Variants in MYO16 observed in about 807,000 individuals in gnomAD.
The protein encoded by MYO16 is unconventional myosin-XVI.
In MYO16, 94 loss-of-function variants were observed where a neutral mutation model predicts 205.3. The observed-to-expected ratio is 0.46, with a 90% CI of 0.39 to 0.54. MYO16 has a LOEUF of 0.54. Ranked by LOEUF, MYO16 falls within the 20% of genes least tolerant of loss-of-function variation. The probability of loss-of-function intolerance (pLI) is 0.00; values close to 1 mark genes in which losing one functional copy is unlikely to be tolerated. For missense variants in MYO16, 2,315 were observed against 2,387.5 expected (o/e 0.97, Z 0.63); for synonymous variants, 988 against 954.0 (o/e 1.04, Z -0.66).
At chr13:109,032,383 G>A (rs573777865) in intron 23 of MYO16, among the ~76,000 whole-genome samples, 12 of 152,082 alleles carry the variant, frequency 7.9e-5, no homozygotes, top group Non-Finnish European at 1.8e-4. Context: ...CTCCCACATC[G>A]TCGCACATAT....
At chr13:108,686,360 A>G (rs1163176240) in intron 2 of MYO16, among the ~76,000 whole-genome samples, 1 of 152,230 alleles carries the variant, frequency 6.6e-6, no homozygotes, top group East Asian at 1.9e-4. Flanking sequence ...TCATATTTTA[A>G]AAATACTTTA....
At chr13:109,200,954 A>G (rs1706027278) in intron 34 of MYO16, among the ~76,000 whole-genome samples, 1 of 152,128 alleles carries the variant, frequency 6.6e-6, no homozygotes. Context: ...TGTATGGTCT[A>G]TCAAACACTA....
At chr13:108,563,970 A>G in the MYO16 span, among the ~76,000 whole-genome samples, 5 of 152,144 alleles carry the variant, frequency 3.3e-5, no homozygotes, top group Non-Finnish European at 7.4e-5. Context: ...ACAGTGTACT[A>G]GGGTTCTCTT....
chr13:108,695,229 A>G (rs1318313513), intron 2 of MYO16, among the ~76,000 whole-genome samples: 1 of 151,938 alleles, frequency 6.6e-6, no homozygotes, highest in African/African-American at 2.4e-5. Context: ...CACCTTCATT[A>G]TTTTGCATGT....
At chr13:108,568,519 A>T in the MYO16 span, among the ~76,000 whole-genome samples, 2 of 151,904 alleles carry the variant, frequency 1.3e-5, no homozygotes, top group Admixed American at 1.3e-4. Context: ...AAATTCCTTG[A>T]CCATTATTTA....
the MYO16 span, among the ~76,000 whole-genome samples, chr13:108,544,513 C>A: frequency 6.6e-6 from 1 of 152,094 alleles, no homozygotes; most frequent in Non-Finnish European, 1.5e-5. Context: ...AAGCATTTGT[C>A]CTTTGTGTCA....
intron 1 of MYO16, among the ~76,000 whole-genome samples, chr13:108,609,228 T>C (rs1319119201): frequency 2.0e-5 from 3 of 152,138 alleles, no homozygotes; most frequent in African/African-American, 7.2e-5. Context: ...GCCCAGCCCT[T>C]CTTCTTATTC....
chr13:109,171,136 G>C (rs1306795015), intron 33 of MYO16, among the ~76,000 whole-genome samples: 1 of 152,192 alleles, frequency 6.6e-6, no homozygotes, highest in Admixed American at 6.5e-5. Flanking sequence ...TAGGCCCTGA[G>C]TAAGCATTTG....
intron 16 of MYO16, among the ~76,000 whole-genome samples, chr13:108,936,564 A>G (rs1161275232): frequency 6.6e-6 from 1 of 152,090 alleles, no homozygotes; most frequent in Non-Finnish European, 1.5e-5. Context: ...AGGAGTGGTT[A>G]TAATGCCTTC....
intron 1 of MYO16, among the ~76,000 whole-genome samples, chr13:108,622,553 C>T (rs912130586): frequency 6.6e-6 from 1 of 151,210 alleles, no homozygotes; most frequent in Non-Finnish European, 1.5e-5. Context: ...GTGTCTGTTG[C>T]TTTACTCTGA....
At chr13:108,745,368 G>A (rs368244394) in intron 4 of MYO16, among the ~76,000 whole-genome samples, 46 of 152,254 alleles carry the variant, frequency 3.0e-4, no homozygotes, top group African/African-American at 1.1e-3. Flanking sequence ...AGAGGTTCTC[G>A]CAAGGAACTC....
At position 109,022,619 on chromosome 13, in the gene MYO16, T is replaced by G. The variant is rs1298076487; in HGVS notation, c.2796+2708T>G. Among the ~76,000 whole-genome samples the G allele has an allele frequency of 2.2e-4, 28 of 129,576 alleles. 1 individual carries two copies. Among genetic ancestry groups the G allele is most frequent in the African/African-American group, 8.1e-4 (28 of 34,420 alleles). The allele number at this position is 129,576 out of a possible 152,430, so 85.0% of individuals were successfully genotyped here. A position where few individuals can be genotyped will look rare whatever the true frequency, so the allele number is the denominator to read the frequency against. ...TATTCTATATACGCATATAAACATA[T>G]GTATATATATTATATATATGCATAT... On this transcript the variant is annotated intron_variant, in intron 23 of 34. Transcript: ENST00000457511.
intron 34 of MYO16, among the ~76,000 whole-genome samples, chr13:109,204,455 G>T (rs1368939508): frequency 6.6e-6 from 1 of 152,164 alleles, no homozygotes; most frequent in African/African-American, 2.4e-5. Context: ...GCACACACTG[G>T]TGGAGGATGA....
intron 34 of MYO16, among the ~76,000 whole-genome samples, chr13:109,190,880 A>G (rs1396639260): frequency 6.6e-6 from 1 of 152,190 alleles, no homozygotes; most frequent in Non-Finnish European, 1.5e-5. Context: ...GCATATAATA[A>G]TATATATTTA....
rs140571104 is a variant in MYO16 at position 108,765,648 on chromosome 13, A to T, written c.508-19987A>T. ...CACACATCTCATCCCCATCAGATAC[A>T]CACGCTTTGCCCGGGGACCCATCCT... On this transcript the variant is annotated intron_variant, in intron 4 of 34. Transcript: ENST00000457511. 3.6e-3 allele frequency among the ~76,000 whole-genome samples: 551 copies of T among 152,312 alleles called. 3 individuals are homozygous for T. The highest frequency in any genetic ancestry group is 0.013 in the African/African-American group (528 of 41,560).
At chr13:108,626,321 AAAT>A (rs1168890538), upstream of MYO16, among the ~76,000 whole-genome samples, 4 of 152,238 alleles carry the variant, frequency 2.6e-5, no homozygotes, top group African/African-American at 9.6e-5. Flanking sequence ...TAATACTGAA[AAAT>A]AATAAAATAA....
intron 14 of MYO16, among the ~76,000 whole-genome samples, chr13:108,893,203 A>G (rs994553155): frequency 6.6e-6 from 1 of 152,226 alleles, no homozygotes; most frequent in African/African-American, 2.4e-5. Context: ...TCATCCGAGT[A>G]TATGTACAGG....
chr13:109,194,883 A>G (rs1004400559), intron 34 of MYO16, among the ~76,000 whole-genome samples: 1 of 152,112 alleles, frequency 6.6e-6, no homozygotes, highest in Non-Finnish European at 1.5e-5. Flanking sequence ...CTTATCCTAA[A>G]TGTCACAAAT....
chr13:108,681,133 C>G (rs892771396), intron 2 of MYO16, among the ~76,000 whole-genome samples: 1 of 152,192 alleles, frequency 6.6e-6, no homozygotes, highest in Non-Finnish European at 1.5e-5. Context: ...TTCCACACAC[C>G]CACTCTTGCT....
Sources: allele counts gnomAD v4.1 joint callset (sites outside exome capture counted in the v4.1 genomes callset), GRCh38; gene constraint gnomAD v4.1.1; transcripts MANE v1.5; gene names NCBI Gene and HGNC (gene_info 2026-07-23, HGNC 2026-07-21).